Variants in ABLIM2 observed in about 807,000 individuals in gnomAD.
The protein encoded by ABLIM2 is actin binding LIM protein family member 2.
A neutral mutation model predicts 97.7 loss-of-function variants in ABLIM2; 53 were observed. That is an observed-to-expected ratio of 0.54 (90% CI 0.44 to 0.68). The LOEUF is 0.68. Ranked by LOEUF, ABLIM2 falls within the 30% of genes least tolerant of loss-of-function variation. ABLIM2 has a pLI of 0.00. For synonymous variants in ABLIM2, 361 were observed against 345.8 expected (o/e 1.04, Z -0.49); for missense variants, 835 against 867.2 (o/e 0.96, Z 0.47).
At chr4:8,143,166 G>GC (rs1851283235) in intron 1 of ABLIM2, among the ~76,000 whole-genome samples, 1 of 149,146 alleles carries the variant, frequency 6.7e-6, no homozygotes, top group South Asian at 2.2e-4. Context: ...GAGTGGGGGG[G>GC]GGGGGCGTCT....
chr4:7,990,087 A>G (rs1424795959), intron 17 of ABLIM2, among the ~76,000 whole-genome samples: 2 of 152,184 alleles, frequency 1.3e-5, no homozygotes, highest in Admixed American at 1.3e-4. Flanking sequence ...GCCTCCCATG[A>G]TGAACTAATT....
intron 16 of ABLIM2, chr4:8,007,788 T>C: frequency 2.2e-5 from 27 of 1,248,882 alleles, no homozygotes; most frequent in Non-Finnish European, 2.7e-5. Context: ...CAGGTCTGGG[T>C]TTCTGCATTC....
intron 20 of ABLIM2, among the ~76,000 whole-genome samples, chr4:7,976,536 G>A (rs1733208962): frequency 6.6e-6 from 1 of 152,148 alleles, no homozygotes; most frequent in Non-Finnish European, 1.5e-5. Flanking sequence ...CCGGGCTCAG[G>A]TCCAGACACC....
chr4:8,151,473 C>A (rs1295400167), intron 1 of ABLIM2, among the ~76,000 whole-genome samples: 2 of 152,158 alleles, frequency 1.3e-5, no homozygotes, highest in East Asian at 3.9e-4. Flanking sequence ...GCTGCTAATC[C>A]ACAGGCGGCA....
At position 8,067,200 on chromosome 4, in the gene ABLIM2, A is replaced by T. The variant is rs909149088; in HGVS notation, c.676-6146T>A. On this transcript the variant is annotated intron_variant, in intron 6 of 20. Transcript: ENST00000447017. This position sits in a 1 kb window ranked among gnomAD's most constrained non-coding sequence, Gnocchi z 5.4. ...CCATGGGCCATGGGGACAATCGGGG[A>T]CATTTGTGGCTGAGCCCCTGCAGGT... 2 of 152,224 alleles carry T rather than the reference A, an allele frequency of 1.3e-5. No homozygotes were observed. The highest frequency in any genetic ancestry group is 4.8e-5 in the African/African-American group (2 of 41,456). The allele number at this position is 152,224 out of a possible 1,614,324, so 9.4% of individuals were successfully genotyped here.
chr4:7,994,769 T>TTCAGGACATAGGCGTGGGCAAG, intron 16 of ABLIM2, among the ~76,000 whole-genome samples: 1 of 114,190 alleles, frequency 8.8e-6, no homozygotes, highest in South Asian at 3.4e-4. Context: ...TGTTGTTTCC[T>TTCAGGACATAGGCGTGGGCAAG]GACTTCATGT....
At chr4:8,009,149 G>A (rs1763265281) in intron 14 of ABLIM2, 47 bp from the exon 15 acceptor site, 3 of 1,609,488 alleles carry the variant, frequency 1.9e-6, no homozygotes, top group Non-Finnish European at 1.7e-6. Context: ...CATTGCTTGT[G>A]GGTTTCTGCC....
chr4:8,001,195 G>A lies in ABLIM2; in HGVS notation c.1618+6864C>T, dbSNP rs1436409096. On this transcript the variant is annotated intron_variant, in intron 16 of 20. Transcript: ENST00000447017. This position sits in a 1 kb window ranked among gnomAD's most constrained non-coding sequence, Gnocchi z 4.2. ...TCAGCTGGACTGGGGAGGGGAGGCA[G>A]AGCTTCCGGTGTCGGGGCCCAGGCA... 6.6e-6 allele frequency among the ~76,000 whole-genome samples: 1 copy of A among 152,216 alleles called. No individual in the cohort carries two copies. The highest frequency in any genetic ancestry group is 2.4e-5 in the African/African-American group (1 of 41,462).
rs1253207409 is a variant in ABLIM2, at chr4:8,054,505, C to T, written c.764-259G>A. On this transcript the variant is annotated intron_variant, in intron 7 of 20. Coordinates refer to ENST00000447017, the MANE Select transcript of ABLIM2 (RefSeq NM_001130083.2). The surrounding 1 kb of genome is among the most constrained non-coding windows in gnomAD (Gnocchi z 4.9). ...AACAAACAGGGAAATGGCTGCTGTG[C>T]ACTAACTGCTCCCACAGGAGGAGGC... Among the ~76,000 whole-genome samples, 2 of 152,256 alleles carry T rather than the reference C, an allele frequency of 1.3e-5. No homozygotes were observed. The highest frequency in any genetic ancestry group is 2.9e-5 in the Non-Finnish European group (2 of 68,048).
At chr4:8,007,330 C>T (rs1762101500) in intron 16 of ABLIM2, 2 of 985,280 alleles carry the variant, frequency 2.0e-6, no homozygotes, top group Admixed American at 1.2e-4. Context: ...CCAGGTCTTT[C>T]TTCTGCTCTC....
At chr4:8,041,755 T>G (rs1391558103) in intron 9 of ABLIM2, among the ~76,000 whole-genome samples, 1 of 151,806 alleles carries the variant, frequency 6.6e-6, no homozygotes, top group Non-Finnish European at 1.5e-5. Flanking sequence ...ACAAAAAAAA[T>G]TAGCCATGCA....
At chr4:8,017,096 A>G (rs181300475) in intron 14 of ABLIM2, among the ~76,000 whole-genome samples, 89 of 152,246 alleles carry the variant, frequency 5.8e-4, no homozygotes, top group African/African-American at 2.0e-3. Flanking sequence ...AAATGTCCAC[A>G]CTTATTCCTG....
Position 7,992,997 on chromosome 4 carries a change from G to T in ABLIM2, c.1619-70C>A. The T allele has an allele frequency of 6.5e-7, 1 of 1,549,104 alleles. No individual in the cohort carries two copies. ...GCAGCAATGGGGGTGCAGCCCTGGGGGGGCTTCCCACCGGGGTGGGCAAGG... is the reference window on the plus strand; with the variant it reads ...GCAGCAATGGGGGTGCAGCCCTGGGTGGGCTTCCCACCGGGGTGGGCAAGG... On this transcript the variant is annotated intron_variant, in intron 16 of 20. Transcript: ENST00000447017. This position sits in a 1 kb window ranked among gnomAD's most constrained non-coding sequence, Gnocchi z 5.7.
At position 8,069,808 on chromosome 4, in the gene ABLIM2, CTA is replaced by C. The variant is rs563777553; in HGVS notation, c.675+7818_675+7819del. Among the ~76,000 whole-genome samples the C allele has an allele frequency of 5.2e-4, 79 of 151,498 alleles. No individual in the cohort carries two copies. Among genetic ancestry groups the C allele is most frequent in the African/African-American group, 1.8e-3 (75 of 41,266 alleles). On this transcript the variant is annotated intron_variant, in intron 6 of 20. Transcript: ENST00000447017. This position sits in a 1 kb window ranked among gnomAD's most constrained non-coding sequence, Gnocchi z 4.2. ...TGTCTCTCCGTGTGCTTGTGTGTCT[CTA>C]TGTGTTGTCTGTGTGTACGTGTCTG...
At chr4:8,062,438 CTT>C (rs999245352) in intron 6 of ABLIM2, among the ~76,000 whole-genome samples, 16 of 143,502 alleles carry the variant, frequency 1.1e-4, no homozygotes, top group South Asian at 2.2e-4. Flanking sequence ...GGGTAGCACT[CTT>C]TTTTTTTTTT....
rs1156915426 is a variant in ABLIM2 at position 7,967,060 on chromosome 4, C to T, written c.1868G>A (p.Ser623Asn). The T allele has an allele frequency of 6.2e-7, 1 of 1,613,790 alleles. No homozygotes were observed. The highest frequency in any genetic ancestry group is 1.3e-5 in the African/African-American group (1 of 74,922). Residue 623 changes from serine (S) to asparagine (N), a missense_variant, in exon 21 of 21, where the codon AGC becomes AAC. By Grantham distance (46) the Ser-to-Asn change is conservative. Coordinates refer to ENST00000447017, the MANE Select transcript of ABLIM2 (RefSeq NM_001130083.2). ...GGCCAGGCGGTCAAACTCCTCGATG[C>T]TCATCCCAAACACTTCCTGGAACTC... is the stretch of plus-strand genomic sequence containing the variant. ...PEEFQEVFGM[S>N]IEEFDRLALW...
intron 9 of ABLIM2, among the ~76,000 whole-genome samples, chr4:8,037,679 C>T (rs989023051): frequency 1.3e-5 from 2 of 152,098 alleles, no homozygotes; most frequent in Non-Finnish European, 2.9e-5. Flanking sequence ...ACATTCACCA[C>T]CCCCCATGCC....
chr4:8,049,912 G>C (rs1206107941), intron 8 of ABLIM2, among the ~76,000 whole-genome samples: 2 of 152,128 alleles, frequency 1.3e-5, no homozygotes, highest in South Asian at 2.1e-4. Context: ...ATTTTTGGTA[G>C]AGAGCGGGTT....
chr4:8,006,380 T>C (rs999569689), intron 16 of ABLIM2, among the ~76,000 whole-genome samples: 1 of 152,066 alleles, frequency 6.6e-6, no homozygotes, highest in Non-Finnish European at 1.5e-5. Context: ...GGTCATCAAG[T>C]GGGGGAGGTC....
Sources: allele counts gnomAD v4.1 joint callset (sites outside exome capture counted in the v4.1 genomes callset), GRCh38; gene constraint gnomAD v4.1.1; non-coding constraint Gnocchi (gnomAD v3.1); transcripts MANE v1.5; gene names NCBI Gene and HGNC (gene_info 2026-07-23, HGNC 2026-07-21).